The following SMPD3 variants were observed in gnomAD, a reference collection of about 807,000 sequenced individuals.
SMPD3 encodes nSMase-2.
Under a neutral mutation model 55.7 loss-of-function variants are expected in SMPD3, and 21 were observed. That is an observed-to-expected ratio of 0.38 (90% CI 0.27 to 0.54). The LOEUF is 0.54. SMPD3 is among the 20% of genes least tolerant of loss of function. SMPD3 has a pLI of 0.80. For missense variants in SMPD3, 842 were observed against 899.6 expected (o/e 0.94, Z 0.82); for synonymous variants, 457 against 404.3 (o/e 1.13, Z -1.56).
intron 6 of SMPD3, 97 bp downstream of exon 6, chr16:68,363,680 C>A: frequency 6.9e-7 from 1 of 1,452,134 alleles, no homozygotes; most frequent in Non-Finnish European, 9.4e-7. Flanking sequence ...TGGGGCCCTT[C>A]CCCAGCAGTG....
chr16:68,423,333 A>T (rs2090411002), intron 1 of SMPD3, among the ~76,000 whole-genome samples: 1 of 152,190 alleles, frequency 6.6e-6, no homozygotes, highest in African/African-American at 2.4e-5. Flanking sequence ...TTAGAAACCT[A>T]ATCTCCAAAT....
At chr16:68,402,708 G>C (rs1244332671) in intron 1 of SMPD3, among the ~76,000 whole-genome samples, 2 of 152,202 alleles carry the variant, frequency 1.3e-5, no homozygotes, top group African/African-American at 4.8e-5. Flanking sequence ...CCACAAAGAG[G>C]CAACAAGGTT....
chr16:68,429,018 G>C (rs1162500037), intron 1 of SMPD3, among the ~76,000 whole-genome samples: 1 of 152,238 alleles, frequency 6.6e-6, no homozygotes, highest in Non-Finnish European at 1.5e-5. Flanking sequence ...TGTGGGAGAT[G>C]ACCCCTCTCT....
rs1191386067 is a variant in SMPD3, at chr16:68,359,290, C to T, written c.*1916G>A. 1 of 152,548 alleles carries T rather than the reference C, an allele frequency of 6.6e-6. No homozygotes were observed. Among genetic ancestry groups the T allele is most frequent in the Admixed American group, 6.5e-5 (1 of 15,284 alleles). 9.4% of individuals were successfully genotyped at this position (152,548 alleles called of 1,614,324 possible). A position where few individuals can be genotyped will look rare whatever the true frequency, so the allele number is the denominator to read the frequency against. On this transcript the variant is annotated 3_prime_UTR_variant, in exon 9 of 9. Coordinates refer to ENST00000219334, the MANE Select transcript of SMPD3 (RefSeq NM_018667.4). ...AGTTGGGGGCCTCCACATCATGAAT[C>T]CCAGTCAAGGCTCACAGGCCAGCCC...
intron 2 of SMPD3, chr16:68,382,116 C>T (rs996052997): frequency 1.3e-5 from 2 of 152,232 alleles, no homozygotes; most frequent in African/African-American, 4.8e-5. Flanking sequence ...GTAGTAGAAA[C>T]TTTCTGCTCA....
At chr16:68,432,068 T>C (rs2090484918) in intron 1 of SMPD3, among the ~76,000 whole-genome samples, 1 of 151,440 alleles carries the variant, frequency 6.6e-6, no homozygotes, top group African/African-American at 2.4e-5. Context: ...GAGCTGAGAT[T>C]GTGCCACTGC....
chr16:68,387,588 C>G (rs1166199187), intron 1 of SMPD3, among the ~76,000 whole-genome samples: 1 of 152,238 alleles, frequency 6.6e-6, no homozygotes, highest in African/African-American at 2.4e-5. Context: ...CTGCCGAATC[C>G]TTGGCTCCGG....
At position 68,361,509 on chromosome 16, in the gene SMPD3, GC is replaced by G; in HGVS notation, c.1866+93del. On this transcript the variant is annotated intron_variant, in intron 8 of 8. Coordinates refer to ENST00000219334, the MANE Select transcript of SMPD3 (RefSeq NM_018667.4). ...GGTATCATTGTAAGAGTGGCCTGGGGCGTGGGGTTTCAGGGAGCGGCTGTCG... is the reference window on the plus strand; with the variant it reads ...GGTATCATTGTAAGAGTGGCCTGGGGGTGGGGTTTCAGGGAGCGGCTGTCG... The G allele has an allele frequency of 2.0e-6, 3 of 1,530,576 alleles. No individual in the cohort carries two copies. The East Asian group carries it at 6.8e-5, about 35-fold the overall frequency. The allele number at this position is 1,530,576 out of a possible 1,614,324, so 94.8% of individuals were successfully genotyped here.
In SMPD3 at chr16:68,377,513, C is replaced by T. The variant is rs574387649; in HGVS notation, c.-206-5126G>A. On this transcript the variant is annotated intron_variant, in intron 2 of 8. Transcript: ENST00000219334. The stretch of plus-strand genomic sequence containing the variant: ...ACATATGACCTGAGGCATCACGGCA[C>T]GGACAGTGGGAGACTATGGCTGCTC... Among the ~76,000 whole-genome samples the T allele has an allele frequency of 3.3e-5, 5 of 152,312 alleles. No homozygotes were observed. In the East Asian group the frequency reaches 7.7e-4, roughly 24 times the overall value.
chr16:68,388,108 C>T (rs903041989), intron 1 of SMPD3, among the ~76,000 whole-genome samples: 7 of 152,188 alleles, frequency 4.6e-5, no homozygotes, highest in African/African-American at 1.7e-4. Flanking sequence ...AAATGAGCAC[C>T]GGCACTTGAT....
At chr16:68,410,856 C>G (rs2090293711) in intron 1 of SMPD3, among the ~76,000 whole-genome samples, 1 of 152,262 alleles carries the variant, frequency 6.6e-6, no homozygotes, top group Non-Finnish European at 1.5e-5. Context: ...AGCATCGAGG[C>G]ACCTTGCATC....
intron 1 of SMPD3, among the ~76,000 whole-genome samples, chr16:68,409,294 G>A (rs1019092669): frequency 6.6e-6 from 1 of 152,202 alleles, no homozygotes. Context: ...GGGATGTGGG[G>A]AGGGGGTGCA....
Position 68,371,450 on chromosome 16 carries a change from G to C in SMPD3, c.732C>G (p.Ile244Met). The C allele has an allele frequency of 6.3e-7, 1 of 1,590,122 alleles. No individual in the cohort carries two copies. The highest frequency in any genetic ancestry group is 8.5e-7 in the Non-Finnish European group (1 of 1,176,224). The change falls in exon 3 of 9, where the codon ATC becomes ATG. Residue 244 changes from isoleucine (I) to methionine (M), a missense_variant. This residue lies in a region of SMPD3 where 649 missense variants were observed against 643.6 expected (regional missense o/e 1.01). Coordinates refer to ENST00000219334, the MANE Select transcript of SMPD3 (RefSeq NM_018667.4). ...CGCCCTCCTCGCCACCGATGCGCAC[G>C]ATGCAGGCATCCTCCGGGCTGCTGC... ...VDSSSPEDACIVRIGGEEGGR... is the reference protein window; with the variant it reads ...VDSSSPEDACMVRIGGEEGGR...
chr16:68,421,244 T>A (rs1361847138), intron 1 of SMPD3, among the ~76,000 whole-genome samples: 1 of 152,194 alleles, frequency 6.6e-6, no homozygotes, highest in South Asian at 2.1e-4. Context: ...TCCTCCCTCA[T>A]CTGCTTCACC....
intron 1 of SMPD3, among the ~76,000 whole-genome samples, chr16:68,407,080 T>C (rs970232314): frequency 1.3e-5 from 2 of 152,126 alleles, no homozygotes; most frequent in African/African-American, 4.8e-5. Flanking sequence ...GGCAGAAGCT[T>C]GATCAGGAGA....
At chr16:68,396,730 G>T (rs1018617776) in intron 1 of SMPD3, among the ~76,000 whole-genome samples, 1 of 152,224 alleles carries the variant, frequency 6.6e-6, no homozygotes, top group Non-Finnish European at 1.5e-5. Flanking sequence ...ACACCAGGGG[G>T]CACAGCAGGA....
At position 68,371,035 on chromosome 16, in the gene SMPD3, C is replaced by G. The variant is rs143370526; in HGVS notation, c.1147G>C (p.Glu383Gln). The G allele has an allele frequency of 5.2e-5, 84 of 1,614,186 alleles. No homozygotes were observed. The South Asian group carries it at 8.5e-4, about 16-fold the overall frequency. Reference protein sequence around the residue: ...KLKEQLHGYFEYILYDVGVYG... With the variant: ...KLKEQLHGYFQYILYDVGVYG... Reference sequence around the variant, plus strand: ...ACCCCGACGTCGTACAGGATGTACTCGAAGTAGCCGTGCAGCTGCTCTTTC... The same window carrying G: ...ACCCCGACGTCGTACAGGATGTACTGGAAGTAGCCGTGCAGCTGCTCTTTC... The change falls in exon 3 of 9, where the codon GAG (glutamate) becomes CAG (glutamine). Residue 383 changes from glutamate (E) to glutamine (Q), a missense_variant. Glu to Gln is a conservative substitution (Grantham distance 29). Transcript: ENST00000219334.
intron 1 of SMPD3, among the ~76,000 whole-genome samples, chr16:68,407,749 A>T (rs912428666): frequency 5.9e-5 from 9 of 152,160 alleles, no homozygotes; most frequent in Admixed American, 3.9e-4. Flanking sequence ...AATGCTTCTT[A>T]TGCCTTATTG....
At chr16:68,377,411 C>G (rs533849304) in intron 2 of SMPD3, among the ~76,000 whole-genome samples, 10 of 152,352 alleles carry the variant, frequency 6.6e-5, no homozygotes, top group African/African-American at 2.4e-4. Flanking sequence ...TGACAGCCGG[C>G]AGCCCCAGAC....
Sources: allele counts gnomAD v4.1 joint callset (sites outside exome capture counted in the v4.1 genomes callset), GRCh38; gene constraint gnomAD v4.1.1; regional missense constraint gnomAD v4.1.1; transcripts MANE v1.5; gene names NCBI Gene and HGNC (gene_info 2026-07-23, HGNC 2026-07-21).